GPC5: variants seen among roughly 807,000 people sequenced by gnomAD.
GPC5 encodes glypican-5.
GPC5 carries 47 observed loss-of-function variants against 53.9 expected under a neutral mutation model. The ratio of observed to expected loss-of-function variants is 0.87; its 90% CI spans 0.69 to 1.11. The LOEUF (loss-of-function observed/expected upper bound fraction) is 1.11, where lower values mean the gene tolerates loss of function less well. GPC5 is among the 50% of genes most tolerant of loss of function. The pLI, the probability that GPC5 is intolerant of heterozygous loss-of-function variation, is 0.00. For missense variants in GPC5, 748 were observed against 713.1 expected (o/e 1.05, Z -0.56); for synonymous variants, 286 against 263.3 (o/e 1.09, Z -0.84).
intron 7 of GPC5, among the ~76,000 whole-genome samples, chr13:92,250,293 C>G (rs1383938930): frequency 1.3e-5 from 2 of 152,068 alleles, no homozygotes; most frequent in Admixed American, 1.3e-4. Context: ...GAGTTTTGCT[C>G]GTAATACGTG....
At chr13:91,560,102 T>C (rs2031177200) in intron 2 of GPC5, among the ~76,000 whole-genome samples, 3 of 152,074 alleles carry the variant, frequency 2.0e-5, no homozygotes, top group Admixed American at 2.0e-4. Context: ...AATAGCTTAC[T>C]TGGTTGGTTT....
At chr13:92,796,331 G>A (rs1239929627) in intron 7 of GPC5, among the ~76,000 whole-genome samples, 4 of 152,000 alleles carry the variant, frequency 2.6e-5, no homozygotes, top group Non-Finnish European at 5.9e-5. Context: ...TTGGACACAG[G>A]GAGGGGAACA....
At chr13:92,374,800 A>G (rs1166849236) in intron 7 of GPC5, among the ~76,000 whole-genome samples, 1 of 149,740 alleles carries the variant, frequency 6.7e-6, no homozygotes, top group Non-Finnish European at 1.5e-5. Context: ...ACATGTATAC[A>G]TATGTAACTA....
intron 7 of GPC5, among the ~76,000 whole-genome samples, chr13:92,425,567 T>C (rs1876795239): frequency 6.6e-6 from 1 of 152,150 alleles, no homozygotes; most frequent in Non-Finnish European, 1.5e-5. Context: ...CAGTTTTAAA[T>C]GCAGAGTCAG....
At chr13:92,853,095 G>T (rs1027255738) in intron 7 of GPC5, among the ~76,000 whole-genome samples, 1 of 151,980 alleles carries the variant, frequency 6.6e-6, no homozygotes, top group Non-Finnish European at 1.5e-5. Context: ...CTTATGTTAA[G>T]TGTATAACAT....
chr13:92,657,768 A>G (rs887387501), intron 7 of GPC5, among the ~76,000 whole-genome samples: 1 of 151,862 alleles, frequency 6.6e-6, no homozygotes, highest in African/African-American at 2.4e-5. Flanking sequence ...GAAAACAGGA[A>G]ATGGATTCTT....
intron 5 of GPC5, among the ~76,000 whole-genome samples, chr13:91,782,403 C>A (rs2037811570): frequency 6.6e-6 from 1 of 152,130 alleles, no homozygotes; most frequent in African/African-American, 2.4e-5. Flanking sequence ...AGGAAACTTA[C>A]AGTCATGGTG....
intron 5 of GPC5, among the ~76,000 whole-genome samples, chr13:91,867,163 C>A (rs1320181676): frequency 2.0e-5 from 3 of 152,122 alleles, no homozygotes; most frequent in Non-Finnish European, 4.4e-5. Flanking sequence ...TGTGGCAAGC[C>A]GAGGTCACGC....
intron 7 of GPC5, among the ~76,000 whole-genome samples, chr13:92,473,301 T>C (rs1878979890): frequency 6.6e-6 from 1 of 151,866 alleles, no homozygotes; most frequent in Non-Finnish European, 1.5e-5. Context: ...GTTTCAGGAG[T>C]TATGGGTTGC....
intron 2 of GPC5, among the ~76,000 whole-genome samples, chr13:91,647,484 G>A (rs970819898): frequency 6.6e-6 from 1 of 152,212 alleles, no homozygotes; most frequent in African/African-American, 2.4e-5. Context: ...CCTGACTGAG[G>A]GCCCAGGCCC....
At chr13:91,478,795 T>TTA (rs757436599) in intron 2 of GPC5, among the ~76,000 whole-genome samples, 761 of 55,324 alleles carry the variant, frequency 0.014, 31 homozygotes, top group African/African-American at 0.036. Context: ...CCATTTGAGT[T>TTA]TATATATATA....
chr13:92,845,596 A>C (rs1878586030), intron 7 of GPC5, among the ~76,000 whole-genome samples: 1 of 152,102 alleles, frequency 6.6e-6, no homozygotes, highest in African/African-American at 2.4e-5. Context: ...CAGTCTACCT[A>C]CTAACATGTT....
At chr13:92,301,910 AAATTAATT>A (rs558864239) in intron 7 of GPC5, among the ~76,000 whole-genome samples, 2 of 152,034 alleles carry the variant, frequency 1.3e-5, no homozygotes, top group Non-Finnish European at 2.9e-5. Context: ...ATAAATAAAT[AAATTAATT>A]AATTAATTAA....
At chr13:92,495,279 T>C (rs1486559365) in intron 7 of GPC5, among the ~76,000 whole-genome samples, 6 of 152,172 alleles carry the variant, frequency 3.9e-5, no homozygotes, top group Non-Finnish European at 7.4e-5. Flanking sequence ...ATTTTGAAGT[T>C]TACTGAACTA....
chr13:91,938,946 A>C (rs752301377), intron 6 of GPC5, among the ~76,000 whole-genome samples: 9 of 152,206 alleles, frequency 5.9e-5, no homozygotes, highest in Non-Finnish European at 1.2e-4. Flanking sequence ...ATTTTTATAA[A>C]TATGCAAAAA....
At chr13:92,779,146 G>A (rs562191957) in intron 7 of GPC5, among the ~76,000 whole-genome samples, 5 of 152,206 alleles carry the variant, frequency 3.3e-5, no homozygotes, top group African/African-American at 1.2e-4. Context: ...AAGGAGAAAG[G>A]TATATCTCAC....
At chr13:92,647,669 T>C (rs1885818268) in intron 7 of GPC5, among the ~76,000 whole-genome samples, 1 of 152,128 alleles carries the variant, frequency 6.6e-6, no homozygotes, top group African/African-American at 2.4e-5. Context: ...ATAAAAATTG[T>C]TTTGAGTACA....
intron 6 of GPC5, among the ~76,000 whole-genome samples, chr13:92,035,253 T>C (rs2040883734): frequency 6.7e-6 from 1 of 149,918 alleles, no homozygotes; most frequent in South Asian, 2.1e-4. Flanking sequence ...GAGGCAAAAC[T>C]GGAACCTGTT....
chr13:92,208,719 G>C (rs1248836271), intron 7 of GPC5, among the ~76,000 whole-genome samples: 1 of 152,164 alleles, frequency 6.6e-6, no homozygotes, highest in East Asian at 1.9e-4. Flanking sequence ...TGACATTTCT[G>C]TATTTATTTG....
Sources: gnomAD v4.1 joint callset for allele counts (sites outside exome capture counted in the v4.1 genomes callset) on GRCh38, gnomAD v4.1.1 for gene constraint, MANE v1.5 for transcripts, NCBI Gene and HGNC (gene_info 2026-07-23, HGNC 2026-07-21) for gene names.